Variants in BABAM2 observed in about 807,000 individuals in gnomAD.
The protein encoded by BABAM2 is BRISC and BRCA1 A complex member 2, also known as BRISC and BRCA1-A complex member 2.
A neutral mutation model predicts 54.7 loss-of-function variants in BABAM2; 31 were observed. The ratio of observed to expected loss-of-function variants is 0.57; its 90% CI spans 0.43 to 0.77. BABAM2 has a LOEUF of 0.77. BABAM2 is among the 30% of genes least tolerant of loss of function. BABAM2 has a pLI of 0.00. For synonymous variants in BABAM2, 167 were observed against 162.9 expected, an observed-to-expected ratio of 1.03 and a Z score of -0.19; for missense variants, 364 against 455.8, an observed-to-expected ratio of 0.80 and a Z score of 1.83.
chr2:28,305,240 T>C (rs946446199), intron 11 of BABAM2, among the ~76,000 whole-genome samples: 2 of 152,184 alleles, frequency 1.3e-5, no homozygotes, highest in African/African-American at 4.8e-5. Context: ...TTTTTCTTTT[T>C]TTATCATGAA....
chr2:28,294,671 CATAA>C (rs1687542795), intron 10 of BABAM2, among the ~76,000 whole-genome samples: 1 of 152,054 alleles, frequency 6.6e-6, no homozygotes, highest in African/African-American at 2.4e-5. Context: ...AAGTATTTCT[CATAA>C]ATATTTTAGT....
At chr2:27,943,857 A>T (rs1277711098) in intron 3 of BABAM2, among the ~76,000 whole-genome samples, 1 of 152,230 alleles carries the variant, frequency 6.6e-6, no homozygotes, top group African/African-American at 2.4e-5. Flanking sequence ...CAAAATGCTC[A>T]TTGAAAGGCA....
At chr2:27,928,441 C>T (rs1014906191) in intron 2 of BABAM2, among the ~76,000 whole-genome samples, 6 of 135,774 alleles carry the variant, frequency 4.4e-5, no homozygotes, top group African/African-American at 1.4e-4. Flanking sequence ...TGAGCCACTG[C>T]GCCTGGCCAC....
intron 10 of BABAM2, among the ~76,000 whole-genome samples, chr2:28,256,452 A>G (rs576900580): frequency 3.2e-4 from 48 of 152,298 alleles, no homozygotes; most frequent in Middle Eastern, 3.4e-3. Context: ...GAAAATGCGT[A>G]AAGATACACA....
chr2:28,171,444 AT>A (rs1402413832), intron 7 of BABAM2, among the ~76,000 whole-genome samples: 1 of 152,198 alleles, frequency 6.6e-6, no homozygotes, highest in African/African-American at 2.4e-5. Flanking sequence ...CACTGCGTGC[AT>A]TTACAAGGTT....
chr2:28,295,588 A>G (rs1474060797), intron 10 of BABAM2, among the ~76,000 whole-genome samples: 1 of 151,976 alleles, frequency 6.6e-6, no homozygotes, highest in African/African-American at 2.4e-5. Flanking sequence ...ATCTCTCTCC[A>G]GAGTTCAAGA....
intron 3 of BABAM2, among the ~76,000 whole-genome samples, chr2:27,948,508 C>T (rs926133475): frequency 2.6e-5 from 4 of 152,160 alleles, no homozygotes; most frequent in South Asian, 2.1e-4. Context: ...TGGTGGCTCA[C>T]GCCTGTAATC....
intron 11 of BABAM2, among the ~76,000 whole-genome samples, chr2:28,316,650 A>G (rs1376503617): frequency 1.3e-5 from 2 of 152,138 alleles, no homozygotes; most frequent in East Asian, 3.9e-4. Flanking sequence ...CTCATAGAAT[A>G]CGAGCACGTC....
At chr2:27,985,057 A>ATATG (rs369150029) in intron 3 of BABAM2, among the ~76,000 whole-genome samples, 12 of 137,512 alleles carry the variant, frequency 8.7e-5, no homozygotes, top group East Asian at 2.2e-4. Flanking sequence ...GTATTCCATG[A>ATATG]TGTGTGTGTG....
intron 7 of BABAM2, among the ~76,000 whole-genome samples, chr2:28,176,687 AG>A (rs2147868597): frequency 6.6e-6 from 1 of 151,230 alleles, no homozygotes; most frequent in Non-Finnish European, 1.5e-5. Context: ...CCAAAGAGAT[AG>A]ATATCCTTAA....
chr2:28,040,336 T>C (rs1477571491), intron 5 of BABAM2, among the ~76,000 whole-genome samples: 1 of 117,916 alleles, frequency 8.5e-6, no homozygotes, highest in Non-Finnish European at 1.8e-5. Context: ...AGTCTCGCTC[T>C]GTCGCCCAGG....
chr2:28,107,045 AT>A (rs1667586531), intron 6 of BABAM2, among the ~76,000 whole-genome samples: 2 of 152,072 alleles, frequency 1.3e-5, no homozygotes. Context: ...ATTATCCTTA[AT>A]ATGTTACTGT....
At chr2:28,106,611 A>G (rs756311544) in intron 6 of BABAM2, among the ~76,000 whole-genome samples, 9 of 152,206 alleles carry the variant, frequency 5.9e-5, no homozygotes, top group Admixed American at 3.3e-4. Flanking sequence ...AGGTGATGTT[A>G]TATATTTTCA....
chr2:27,904,075 G>A (rs1441989417), intron 2 of BABAM2, among the ~76,000 whole-genome samples: 1 of 152,164 alleles, frequency 6.6e-6, no homozygotes, highest in Non-Finnish European at 1.5e-5. Flanking sequence ...ACTAACGGGT[G>A]GGTAGTGTAG....
At chr2:28,097,082 T>C (rs897741250) in intron 6 of BABAM2, among the ~76,000 whole-genome samples, 4 of 152,142 alleles carry the variant, frequency 2.6e-5, no homozygotes, top group Non-Finnish European at 5.9e-5. Flanking sequence ...CAGTACTGGA[T>C]AATGGCAAGG....
chr2:28,147,697 TCTC>T (rs1671629076), intron 7 of BABAM2, among the ~76,000 whole-genome samples: 1 of 152,108 alleles, frequency 6.6e-6, no homozygotes, highest in South Asian at 2.1e-4. Context: ...ATGGTCTCGA[TCTC>T]CTGACCTCGT....
chr2:28,195,107 AT>A (rs912720532), intron 7 of BABAM2, among the ~76,000 whole-genome samples: 2 of 151,644 alleles, frequency 1.3e-5, no homozygotes, highest in African/African-American at 2.4e-5. Context: ...ATGCAATGGG[AT>A]TTTTTTTTCA....
At chr2:28,250,148 T>C (rs1683307559) in intron 10 of BABAM2, among the ~76,000 whole-genome samples, 1 of 151,846 alleles carries the variant, frequency 6.6e-6, no homozygotes, top group East Asian at 1.9e-4. Context: ...AGACCTCCTA[T>C]AGAGGGTGAC....
chr2:27,964,600 A>G (rs1670707763), intron 3 of BABAM2, among the ~76,000 whole-genome samples: 1 of 152,136 alleles, frequency 6.6e-6, no homozygotes, highest in African/African-American at 2.4e-5. Flanking sequence ...TGAGTGTTGT[A>G]TTGACTTTTG....
Sources: allele counts gnomAD v4.1 joint callset (sites outside exome capture counted in the v4.1 genomes callset), GRCh38; gene constraint gnomAD v4.1.1; transcripts MANE v1.5; gene names NCBI Gene and HGNC (gene_info 2026-07-23, HGNC 2026-07-21).